AOPEP: variants seen among roughly 807,000 people sequenced by gnomAD.
The protein encoded by AOPEP is aminopeptidase O (putative).
A neutral mutation model predicts 98.1 loss-of-function variants in AOPEP; 77 were observed. That is an observed-to-expected ratio of 0.78 (90% confidence interval 0.65 to 0.95). AOPEP has a LOEUF of 0.95. AOPEP is among the 40% of genes least tolerant of loss of function. The pLI is 0.00. For missense variants in AOPEP, 1,024 were observed against 1,024.7 expected (o/e 1.00, Z 0.01); for synonymous variants, 346 against 365.3 (o/e 0.95, Z 0.60).
intron 16 of AOPEP, among the ~76,000 whole-genome samples, chr9:95,083,692 C>T (rs1021588885): frequency 1.8e-4 from 27 of 149,838 alleles, no homozygotes; most frequent in Non-Finnish European, 3.9e-4. Context: ...CAGCACACAC[C>T]GCACGCACCA....
intron 13 of AOPEP, among the ~76,000 whole-genome samples, chr9:95,013,000 A>AGGGGGGGG (rs2062678423): frequency 1.5e-5 from 1 of 68,448 alleles, no homozygotes; most frequent in African/African-American, 4.9e-5. Context: ...GGGGGGGGGC[A>AGGGGGGGG]GGGCGATTAT....
At chr9:95,139,059 C>T in the AOPEP span, among the ~76,000 whole-genome samples, 3 of 152,222 alleles carry the variant, frequency 2.0e-5, no homozygotes, top group African/African-American at 7.2e-5. Context: ...GAAGCAGTAT[C>T]ATCTTGATAT....
At chr9:95,008,689 C>A (rs927139971) in intron 13 of AOPEP, among the ~76,000 whole-genome samples, 1 of 152,106 alleles carries the variant, frequency 6.6e-6, no homozygotes, top group African/African-American at 2.4e-5. Flanking sequence ...AGTGCTCTGC[C>A]GGCCTTTCCC....
chr9:95,008,663 A>G (rs2062234583), intron 13 of AOPEP, among the ~76,000 whole-genome samples: 1 of 152,178 alleles, frequency 6.6e-6, no homozygotes, highest in Non-Finnish European at 1.5e-5. Flanking sequence ...TGTACCATGC[A>G]GATAAAGTGA....
chr9:94,896,893 T>C (rs1232598402), intron 5 of AOPEP, among the ~76,000 whole-genome samples: 1 of 147,376 alleles, frequency 6.8e-6, no homozygotes, highest in East Asian at 2.0e-4. Context: ...TTTTGACAAA[T>C]GTCTCAACTT....
At chr9:95,107,419 C>T in the AOPEP span, 24 of 785,752 alleles carry the variant, frequency 3.1e-5, no homozygotes, top group East Asian at 5.4e-5. Context: ...AATTTACACT[C>T]GATTTCACAC....
intron 7 of AOPEP, among the ~76,000 whole-genome samples, chr9:94,952,839 G>C (rs977841355): frequency 9.2e-5 from 14 of 152,226 alleles, no homozygotes; most frequent in Admixed American, 7.2e-4. Flanking sequence ...GCTGTCAGCA[G>C]GAAGAATTTT....
chr9:95,141,510 T>C, the AOPEP span, among the ~76,000 whole-genome samples: 1 of 152,112 alleles, frequency 6.6e-6, no homozygotes, highest in East Asian at 1.9e-4. Context: ...TGGATTTTCC[T>C]TATCTAAGTT....
chr9:95,116,513 A>G, the AOPEP span, among the ~76,000 whole-genome samples: 1 of 152,236 alleles, frequency 6.6e-6, no homozygotes, highest in African/African-American at 2.4e-5. Flanking sequence ...GAAAAAAGGC[A>G]GGCCCAAAAT....
chr9:95,117,333 G>A, the AOPEP span: 1 of 1,614,100 alleles, frequency 6.2e-7, no homozygotes. Context: ...TCTTGCAGCA[G>A]CACCATGGCA....
At position 94,929,160 on chromosome 9, in the gene AOPEP, C is replaced by T. The variant is rs116266399; in HGVS notation, c.1661+629C>T. 6.6e-3 allele frequency among the ~76,000 whole-genome samples: 1,005 copies of T among 152,310 alleles called. 16 individuals carry two copies. The highest frequency in any genetic ancestry group is 0.023 in the African/African-American group (964 of 41,566). On this transcript the variant is annotated intron_variant, in intron 7 of 16. Transcript: ENST00000375315. ...ACCTGGTACCTAGGCTCCGGGAGCA[C>T]TGTGGTTGCTATGGCAACAGGAGGT...
At chr9:94,797,595 C>T (rs984875218) in intron 4 of AOPEP, among the ~76,000 whole-genome samples, 7 of 151,906 alleles carry the variant, frequency 4.6e-5, no homozygotes, top group African/African-American at 7.3e-5. Flanking sequence ...TACAACAAAA[C>T]GTGCAGATCT....
chr9:95,125,639 T>C, the AOPEP span, among the ~76,000 whole-genome samples: 54 of 152,326 alleles, frequency 3.5e-4, no homozygotes, highest in African/African-American at 1.1e-3. Flanking sequence ...TTTTTCTTTA[T>C]GTTTGTTTAA....
At chr9:94,932,310 G>C (rs2055461533) in intron 7 of AOPEP, 1 of 980,564 alleles carries the variant, frequency 1.0e-6, no homozygotes, top group African/African-American at 1.8e-5. Context: ...ACATTCTCTT[G>C]GTTATAGATA....
chr9:95,090,193 C>T (rs2070847081), downstream of AOPEP, among the ~76,000 whole-genome samples: 1 of 151,294 alleles, frequency 6.6e-6, no homozygotes, highest in South Asian at 2.1e-4. Flanking sequence ...CATCTGTCCC[C>T]TGAGTGGTAG....
At chr9:95,121,657 C>G in the AOPEP span, among the ~76,000 whole-genome samples, 1 of 152,172 alleles carries the variant, frequency 6.6e-6, no homozygotes, top group Non-Finnish European at 1.5e-5. Context: ...ACAGTACTTC[C>G]CCACAGCCAC....
intron 3 of AOPEP, among the ~76,000 whole-genome samples, chr9:94,779,062 C>T (rs939552080): frequency 4.0e-5 from 6 of 151,582 alleles, no homozygotes; most frequent in East Asian, 3.9e-4. Flanking sequence ...TGTATATGTG[C>T]GGTGGTTAAT....
At chr9:94,910,186 C>T (rs1038148334) in intron 5 of AOPEP, among the ~76,000 whole-genome samples, 2 of 152,188 alleles carry the variant, frequency 1.3e-5, no homozygotes, top group African/African-American at 4.8e-5. Context: ...TCTAGTCCTG[C>T]ATTAGAAGCA....
At chr9:94,807,572 A>G (rs1038010574) in intron 5 of AOPEP, among the ~76,000 whole-genome samples, 2 of 152,188 alleles carry the variant, frequency 1.3e-5, no homozygotes, top group Non-Finnish European at 2.9e-5. Context: ...TTCCATTGCA[A>G]AGAAAAGGCT....
Sources: allele counts gnomAD v4.1 joint callset (sites outside exome capture counted in the v4.1 genomes callset), GRCh38; gene constraint gnomAD v4.1.1; transcripts MANE v1.5; gene names NCBI Gene and HGNC (gene_info 2026-07-23, HGNC 2026-07-21).